The following EPHA6 variants were observed in gnomAD, a reference collection of about 807,000 sequenced individuals.
EPHA6 encodes EPH receptor A6.
A neutral mutation model predicts 112.0 loss-of-function variants in EPHA6; 50 were observed. That is an observed-to-expected ratio of 0.45 (90% CI 0.36 to 0.56). The LOEUF is 0.56. Ranked by LOEUF, EPHA6 falls within the 20% of genes least tolerant of loss-of-function variation. EPHA6 has a pLI of 0.00. For synonymous variants in EPHA6, 529 were observed against 490.7 expected (o/e 1.08, Z -1.03); for missense variants, 1,280 against 1,417.4 (o/e 0.90, Z 1.56).
intron 4 of EPHA6, among the ~76,000 whole-genome samples, chr3:97,236,792 C>T (rs1559818286): frequency 6.6e-6 from 1 of 152,024 alleles, no homozygotes; most frequent in Non-Finnish European, 1.5e-5. Context: ...TAATTGGCCA[C>T]TTGAGAAAAT....
intron 3 of EPHA6, among the ~76,000 whole-genome samples, chr3:97,081,717 A>T (rs1427515449): frequency 6.6e-6 from 1 of 151,796 alleles, no homozygotes; most frequent in East Asian, 1.9e-4. Context: ...TAAAAAGAAA[A>T]GATAAAATAA....
intron 14 of EPHA6, among the ~76,000 whole-genome samples, chr3:97,657,598 T>A (rs1269685397): frequency 2.6e-5 from 4 of 151,824 alleles, no homozygotes; most frequent in African/African-American, 9.7e-5. Flanking sequence ...TGTACCTCGG[T>A]TTCCACATCT....
rs568474301 is a variant in EPHA6 at position 96,814,992 on chromosome 3, C to A, written c.369C>A (p.His123Gln). ...LLTAWPGDCS[H>Q]VSNNQVVLLD... is the part of the protein sequence containing the mutation. ...CAGCGTGGCCAGGCGACTGCAGTCACGTCTCCAACAACCAAGGTAAGGGAC... is the reference window on the plus strand; with the variant it reads ...CAGCGTGGCCAGGCGACTGCAGTCAAGTCTCCAACAACCAAGGTAAGGGAC... Residue 123 changes from histidine to glutamine, a missense_variant, in exon 1 of 18, where the codon CAC becomes CAA. Coordinates refer to ENST00000389672, the MANE Select transcript of EPHA6 (RefSeq NM_001080448.3). 26 of 1,523,500 alleles carry A rather than the reference C, an allele frequency of 1.7e-5. No individual in the cohort carries two copies. Among genetic ancestry groups the A allele is most frequent in the Admixed American group, 6.1e-5 (3 of 49,276 alleles). The allele number at this position is 1,523,500 out of a possible 1,614,324, so 94.4% of individuals were successfully genotyped here. A position where few individuals can be genotyped will look rare whatever the true frequency, so the allele number is the denominator to read the frequency against.
intron 5 of EPHA6, among the ~76,000 whole-genome samples, chr3:97,265,630 GCA>G (rs1344426538): frequency 6.6e-6 from 1 of 152,178 alleles, no homozygotes; most frequent in East Asian, 1.9e-4. Context: ...AGGGTGCAGA[GCA>G]CAGAGAAGCC....
chr3:97,729,680 C>A (rs2034946680), intron 15 of EPHA6, among the ~76,000 whole-genome samples: 1 of 139,728 alleles, frequency 7.2e-6, no homozygotes, highest in African/African-American at 2.7e-5. Context: ...TACTTAGAAC[C>A]ACTTTCCTTC....
intron 14 of EPHA6, among the ~76,000 whole-genome samples, chr3:97,677,071 T>C (rs2107672409): frequency 6.6e-6 from 1 of 152,302 alleles, no homozygotes; most frequent in African/African-American, 2.4e-5. Flanking sequence ...ATTTTAAAAT[T>C]GATACTCATT....
At chr3:97,492,547 C>CAAAAAAAAAAAAAAAAAAAAAAA (rs780244403) in intron 10 of EPHA6, among the ~76,000 whole-genome samples, 1 of 28,920 alleles carries the variant, frequency 3.5e-5, no homozygotes, top group Non-Finnish European at 7.9e-5. Context: ...GACTCAGTCT[C>CAAAAAAAAAAAAAAAAAAAAAAA]AAAAAAAAAA....
At chr3:97,196,062 A>T (rs775173714) in intron 3 of EPHA6, among the ~76,000 whole-genome samples, 5 of 151,572 alleles carry the variant, frequency 3.3e-5, no homozygotes, top group African/African-American at 2.4e-5. Context: ...CCCTTTAAAT[A>T]AACTTTCTAC....
intron 5 of EPHA6, among the ~76,000 whole-genome samples, chr3:97,272,600 A>G (rs1360333024): frequency 6.6e-6 from 1 of 150,926 alleles, no homozygotes; most frequent in Non-Finnish European, 1.5e-5. Context: ...GTTTTATAAG[A>G]TTTGGGTAGG....
chr3:97,594,541 A>T (rs866487304), intron 12 of EPHA6, among the ~76,000 whole-genome samples: 2 of 152,192 alleles, frequency 1.3e-5, no homozygotes, highest in Non-Finnish European at 2.9e-5. Flanking sequence ...TATCATTTTG[A>T]TAAGTCATCT....
chr3:97,398,660 T>A (rs1248304631), intron 5 of EPHA6, among the ~76,000 whole-genome samples: 2 of 151,482 alleles, frequency 1.3e-5, no homozygotes, highest in African/African-American at 4.8e-5. Flanking sequence ...AACTTATGTT[T>A]TCTTTTGAAT....
intron 3 of EPHA6, among the ~76,000 whole-genome samples, chr3:97,013,192 A>T (rs1294702519): frequency 6.6e-6 from 1 of 152,008 alleles, no homozygotes; most frequent in Non-Finnish European, 1.5e-5. Context: ...TCAGAATGGT[A>T]TTTCTTAGAT....
chr3:97,458,562 A>C (rs2090777269), intron 7 of EPHA6, among the ~76,000 whole-genome samples: 1 of 152,198 alleles, frequency 6.6e-6, no homozygotes, highest in South Asian at 2.1e-4. Flanking sequence ...ACATATATAC[A>C]CACATTCATA....
Position 96,814,724 on chromosome 3 carries a change from C to CGAG in EPHA6, c.102_103insAGG (p.Ser34_Cys35insArg). On this transcript the variant is annotated inframe_insertion, in exon 1 of 18. Transcript: ENST00000389672. The stretch of plus-strand genomic sequence containing the variant: ...CCTGCAACTGGGCAGCCTGGACCCT[C>CGAG]GTGCCCTGTTCCCGGGACCTCGCGC... The CGAG allele has an allele frequency of 1.3e-6, 2 of 1,572,152 alleles. No homozygotes were observed. The highest frequency in any genetic ancestry group is 1.7e-6 in the Non-Finnish European group (2 of 1,159,022).
At chr3:96,925,605 G>GTTTT (rs34393123) in intron 2 of EPHA6, among the ~76,000 whole-genome samples, 1 of 136,584 alleles carries the variant, frequency 7.3e-6, no homozygotes, top group African/African-American at 2.7e-5. Flanking sequence ...TTGATTTGCT[G>GTTTT]TTTTTTTTTT....
At position 97,389,874 on chromosome 3, in the gene EPHA6, T is replaced by C. The variant is rs116617114; in HGVS notation, c.1607-15276T>C. Among the ~76,000 whole-genome samples the C allele has an allele frequency of 8.3e-3, 1,257 of 152,244 alleles. 14 individuals are homozygous for C. The highest frequency in any genetic ancestry group is 0.027 in the African/African-American group (1,118 of 41,566). ...GGGGAAAAAAATGAAACATATGCCC[T>C]GAATGCTTTTGAAGCTACTGTGAGA... is the stretch of plus-strand genomic sequence containing the variant. On this transcript the variant is annotated intron_variant, in intron 5 of 17. Transcript: ENST00000389672.
intron 3 of EPHA6, among the ~76,000 whole-genome samples, chr3:97,144,456 G>A (rs1325158347): frequency 7.1e-6 from 1 of 140,376 alleles, no homozygotes; most frequent in African/African-American, 2.8e-5. Context: ...CTCTTTTTTA[G>A]CTTTTTTTTT....
chr3:97,581,103 G>A (rs773863231), intron 11 of EPHA6, among the ~76,000 whole-genome samples: 6 of 152,094 alleles, frequency 3.9e-5, no homozygotes, highest in East Asian at 1.9e-4. Context: ...CCTCAAGATC[G>A]TCTCTCTGTC....
At chr3:97,162,752 G>C (rs2076445093) in intron 3 of EPHA6, among the ~76,000 whole-genome samples, 1 of 152,024 alleles carries the variant, frequency 6.6e-6, no homozygotes, top group South Asian at 2.1e-4. Context: ...CTATTTACTG[G>C]CTCAAGTCTG....
Sources: allele counts gnomAD v4.1 joint callset (sites outside exome capture counted in the v4.1 genomes callset), GRCh38; gene constraint gnomAD v4.1.1; transcripts MANE v1.5; gene names NCBI Gene and HGNC (gene_info 2026-07-23, HGNC 2026-07-21).